Variants in RAC1 observed in about 807,000 individuals in gnomAD.
RAC1 encodes the protein Rac family small GTPase 1, also known as ras-related C3 botulinum toxin substrate 1.
RAC1 carries 2 observed loss-of-function variants against 25.2 expected under a neutral mutation model. The ratio of observed to expected loss-of-function variants is 0.08; its 90% CI spans 0.03 to 0.25. The LOEUF (loss-of-function observed/expected upper bound fraction) is 0.25, where lower values mean the gene tolerates loss of function less well. Ranked by LOEUF, RAC1 falls within the 10% of genes least tolerant of loss-of-function variation. The pLI is 1.00. For synonymous variants in RAC1, 88 were observed against 94.0 expected (o/e 0.94, Z 0.37); for missense variants, 50 against 235.7 (o/e 0.21, Z 5.16).
chr7:6,395,493 C>T (rs34463379), intron 3 of RAC1, among the ~76,000 whole-genome samples: 3,491 of 152,252 alleles, frequency 0.023, 139 homozygotes, highest in African/African-American at 0.08. Flanking sequence ...TGTGGGAATT[C>T]GGCCCTCACT....
At chr7:6,402,145 G>A (rs1460045667) in intron 5 of RAC1, 118 bp downstream of exon 5, 19 of 1,439,048 alleles carry the variant, frequency 1.3e-5, no homozygotes, top group Non-Finnish European at 1.7e-5. Flanking sequence ...GTGTACTCTT[G>A]GGGAACCAGC....
At chr7:6,379,031 C>T (rs1368574367) in intron 1 of RAC1, among the ~76,000 whole-genome samples, 1 of 151,940 alleles carries the variant, frequency 6.6e-6, no homozygotes, top group Non-Finnish European at 1.5e-5. Flanking sequence ...GTGGAAGTTG[C>T]AGTGAGCCAA....
At chr7:6,381,883 TTGTC>T (rs1782775432) in intron 1 of RAC1, among the ~76,000 whole-genome samples, 1 of 152,230 alleles carries the variant, frequency 6.6e-6, no homozygotes, top group Non-Finnish European at 1.5e-5. Flanking sequence ...CATACCTTGT[TTGTC>T]AGTGTAAATC....
At chr7:6,402,206 C>A in intron 5 of RAC1, 110 bp from the exon 6 acceptor site, 4 of 1,489,944 alleles carry the variant, frequency 2.7e-6, no homozygotes, top group Non-Finnish European at 3.6e-6. Flanking sequence ...GGAAGCAGGG[C>A]TGGGAGCCGG....
chr7:6,388,847 A>G (rs1216068659), intron 2 of RAC1, among the ~76,000 whole-genome samples: 2 of 152,190 alleles, frequency 1.3e-5, no homozygotes, highest in African/African-American at 2.4e-5. Flanking sequence ...CTTTGTGTAC[A>G]CTTGATAGAT....
rs11540456 is a variant in RAC1, at chr7:6,401,999, G to A, written c.420G>A (p.Pro140=). 4.2e-4 allele frequency: 678 copies of A among 1,614,002 alleles called. 5 individuals carry two copies. The South Asian group carries it at 5.6e-3, about 13-fold the overall frequency. The part of the protein sequence containing the change: ...KEKKLTPITY[P]QGLAMAKEIG... ...AGAAGCTGACTCCCATCACCTATCC[G>A]CAGGGTCTAGCCATGGCTAAGGAGA... is the stretch of plus-strand genomic sequence containing the variant. The change falls in exon 5 of 6, where the codon CCG becomes CCA. Residue 140 remains proline, a synonymous_variant. Transcript: ENST00000348035.
chr7:6,396,633 T>G (rs1783242909), intron 3 of RAC1, among the ~76,000 whole-genome samples: 1 of 152,154 alleles, frequency 6.6e-6, no homozygotes, highest in Non-Finnish European at 1.5e-5. Context: ...TGGTAAAGAT[T>G]TGGCACCATA....
At chr7:6,383,657 TAG>T (rs1197888887) in intron 1 of RAC1, among the ~76,000 whole-genome samples, 1 of 152,058 alleles carries the variant, frequency 6.6e-6, no homozygotes, top group Admixed American at 6.6e-5. Context: ...CTCATATACA[TAG>T]AGACTTAGGA....
intron 4 of RAC1, 119 bp downstream of exon 4, chr7:6,400,307 C>T: frequency 1.0e-6 from 1 of 985,622 alleles, no homozygotes; most frequent in East Asian, 2.4e-5. Flanking sequence ...TAGCAATTTG[C>T]TACTTAAGTA....
intron 1 of RAC1, 41 bp from the exon 2 acceptor site, chr7:6,387,171 A>G: frequency 7.9e-7 from 1 of 1,271,338 alleles, no homozygotes; most frequent in Admixed American, 2.2e-5. Context: ...CTAAGATTAC[A>G]TTCATGTTGA....
At chr7:6,381,746 C>A (rs1346081162) in intron 1 of RAC1, among the ~76,000 whole-genome samples, 1 of 152,128 alleles carries the variant, frequency 6.6e-6, no homozygotes, top group African/African-American at 2.4e-5. Flanking sequence ...GGTAGTAGAA[C>A]ATCATAATTT....
At chr7:6,376,494 T>TC (rs1782600325) in intron 1 of RAC1, among the ~76,000 whole-genome samples, 1 of 148,956 alleles carries the variant, frequency 6.7e-6, no homozygotes, top group South Asian at 2.1e-4. Flanking sequence ...CAATTTTTTT[T>TC]TTTTTTCTTT....
At chr7:6,400,318 C>A in intron 4 of RAC1, 130 bp downstream of exon 4, 2 of 835,302 alleles carry the variant, frequency 2.4e-6, no homozygotes, top group Non-Finnish European at 3.8e-6. Context: ...TACTTAAGTA[C>A]ATGATTGGGT....
intron 5 of RAC1, 28 bp downstream of exon 5, chr7:6,402,055 C>T (rs2115217668): frequency 3.1e-6 from 5 of 1,603,124 alleles, no homozygotes; most frequent in East Asian, 2.2e-5. Context: ...TTTCCTCCTC[C>T]TTGTACCTCT....
intron 2 of RAC1, among the ~76,000 whole-genome samples, chr7:6,387,490 A>G (rs1225100548): frequency 1.3e-5 from 2 of 152,122 alleles, no homozygotes; most frequent in African/African-American, 2.4e-5. Flanking sequence ...TGGGAGACTG[A>G]GGCGGGTGGA....
chr7:6,390,411 T>A (rs1783058333), intron 2 of RAC1, among the ~76,000 whole-genome samples: 1 of 151,666 alleles, frequency 6.6e-6, no homozygotes, highest in African/African-American at 2.4e-5. Context: ...ACCAGCCTGA[T>A]CAACATGGTG....
chr7:6,390,287 A>C (rs1249401117), intron 2 of RAC1, among the ~76,000 whole-genome samples: 1 of 151,508 alleles, frequency 6.6e-6, no homozygotes, highest in Non-Finnish European at 1.5e-5. Flanking sequence ...TGCCATATAG[A>C]AATTTAGCAT....
rs1178608164 is a variant in RAC1, at chr7:6,376,259, T to C, written c.35+1489T>C. 2.2e-5 allele frequency among the ~76,000 whole-genome samples: 3 copies of C among 133,374 alleles called. No homozygotes were observed. The East Asian group carries it at 7.9e-4, about 35-fold the overall frequency. 87.5% of individuals were successfully genotyped at this position (133,374 alleles called of 152,430 possible). ...GTGCAGTGGCACGATTTCGGCTCAC[T>C]ACAACCTCCGCCTCCCAGGTTCAAG... is the stretch of plus-strand genomic sequence containing the variant. On this transcript the variant is annotated intron_variant, in intron 1 of 5. Transcript: ENST00000348035.
chr7:6,402,525 C>CAAAA lies in RAC1; in HGVS notation c.*88_*91dup, dbSNP rs1170377612. The CAAAA allele has an allele frequency of 3.9e-5, 8 of 204,288 alleles. 2 individuals carry two copies. Among genetic ancestry groups the CAAAA allele is most frequent in the Non-Finnish European group, 5.4e-5 (8 of 148,588 alleles). The allele number at this position is 204,288 out of a possible 1,614,324, so 12.7% of individuals were successfully genotyped here. A position where few individuals can be genotyped will look rare whatever the true frequency, so the allele number is the denominator to read the frequency against. On this transcript the variant is annotated 3_prime_UTR_variant, in exon 6 of 6. Transcript: ENST00000348035. ...CTCAAAAAAAAACAAAAAAAAAAAA[C>CAAAA]AAAAAAAAAAAACAACGGTGGAGCC...
Sources: allele counts gnomAD v4.1 joint callset (sites outside exome capture counted in the v4.1 genomes callset), GRCh38; gene constraint gnomAD v4.1.1; transcripts MANE v1.5; gene names NCBI Gene and HGNC (gene_info 2026-07-23, HGNC 2026-07-21).